Variants in SLC41A2 observed in about 807,000 individuals in gnomAD.
SLC41A2 encodes the protein SLC41A1-like 1.
Under a neutral mutation model 58.3 loss-of-function variants are expected in SLC41A2, and 32 were observed. The ratio of observed to expected loss-of-function variants is 0.55; its 90% confidence interval spans 0.41 to 0.74. The LOEUF is 0.74. SLC41A2 is among the 30% of genes least tolerant of loss of function. The pLI is 0.00. For synonymous variants in SLC41A2, 190 were observed against 235.0 expected (o/e 0.81, Z 1.75); for missense variants, 514 against 680.6 (o/e 0.76, Z 2.72).
intron 1 of SLC41A2, among the ~76,000 whole-genome samples, chr12:104,935,267 T>G (rs2047216310): frequency 6.6e-6 from 1 of 151,892 alleles, no homozygotes; most frequent in Non-Finnish European, 1.5e-5. Context: ...CCTGGAAGAG[T>G]AAGTTTTGGT....
At chr12:104,885,028 C>T (rs1048100607) in intron 6 of SLC41A2, among the ~76,000 whole-genome samples, 1 of 151,940 alleles carries the variant, frequency 6.6e-6, no homozygotes, top group Non-Finnish European at 1.5e-5. Flanking sequence ...ACATAACCCA[C>T]TTCCTGTGCT....
intron 10 of SLC41A2, among the ~76,000 whole-genome samples, chr12:104,839,111 T>C (rs2042317030): frequency 1.3e-5 from 2 of 152,176 alleles, no homozygotes; most frequent in Non-Finnish European, 1.5e-5. Flanking sequence ...AATAATCTAA[T>C]TTTCTGTAAG....
intron 2 of SLC41A2, among the ~76,000 whole-genome samples, chr12:104,915,565 C>CT (rs1486475793): frequency 6.6e-6 from 1 of 152,084 alleles, no homozygotes; most frequent in African/African-American, 2.4e-5. Context: ...ATTTGGCTCT[C>CT]TGTTTGTCTG....
intron 1 of SLC41A2, among the ~76,000 whole-genome samples, chr12:104,934,918 A>G (rs909833465): frequency 4.6e-5 from 7 of 152,058 alleles, no homozygotes; most frequent in African/African-American, 1.7e-4. Flanking sequence ...AAAGGTATAA[A>G]GTTTCAGTTA....
chr12:104,951,309 G>A (rs774065324), intron 1 of SLC41A2, among the ~76,000 whole-genome samples: 1 of 152,106 alleles, frequency 6.6e-6, no homozygotes, highest in African/African-American at 2.4e-5. Context: ...TTAAGACTCT[G>A]TGGAATATAA....
chr12:104,935,475 ATTAT>A (rs139146809), intron 1 of SLC41A2, among the ~76,000 whole-genome samples: 1,887 of 152,250 alleles, frequency 0.012, 51 homozygotes, highest in African/African-American at 0.043. Context: ...ATATATAGCT[ATTAT>A]TTATTAAAAA....
chr12:104,949,389 T>C (rs1159537379), intron 1 of SLC41A2, among the ~76,000 whole-genome samples: 1 of 152,230 alleles, frequency 6.6e-6, no homozygotes, highest in Non-Finnish European at 1.5e-5. Flanking sequence ...TCTTACTTTA[T>C]AACACATTAT....
intron 1 of SLC41A2, among the ~76,000 whole-genome samples, chr12:104,937,408 T>C (rs2047326121): frequency 6.6e-6 from 1 of 152,210 alleles, no homozygotes; most frequent in Non-Finnish European, 1.5e-5. Flanking sequence ...GATACACAAA[T>C]ACTTACCATT....
chr12:104,834,233 C>T, intron 10 of SLC41A2: 1 of 938,584 alleles, frequency 1.1e-6, no homozygotes. Context: ...AATTTGAGAC[C>T]TTACAACCTA....
chr12:104,921,075 C>T (rs981387689), intron 2 of SLC41A2, among the ~76,000 whole-genome samples: 3 of 151,498 alleles, frequency 2.0e-5, no homozygotes, highest in African/African-American at 7.3e-5. Flanking sequence ...GAGAAAGAAA[C>T]CCTGTCTCTT....
intron 10 of SLC41A2, among the ~76,000 whole-genome samples, chr12:104,817,732 T>A (rs986753953): frequency 1.1e-4 from 17 of 151,782 alleles, no homozygotes; most frequent in Admixed American, 4.0e-4. Flanking sequence ...GACTTCTATA[T>A]GATTGGCAAT....
In SLC41A2 at chr12:104,861,353, A is replaced by C. The variant is rs1315369737; in HGVS notation, c.1193T>G (p.Leu398Arg). 6.2e-7 allele frequency: 1 copy of C among 1,612,964 alleles called. No homozygotes were observed. Among genetic ancestry groups the C allele is most frequent in the Non-Finnish European group, 8.5e-7 (1 of 1,179,192 alleles). ...GTTTGGGTCTGATACAGTTGTGTCC[A>C]GAATAAGGCCCCCAATGCTGAAAGA... ...MVISSIGGLI[L>R]DTTVSDPNLV... Residue 398 changes from leucine (L) to arginine (R), a missense_variant, in exon 8 of 11, where the codon CTG becomes CGG. This residue lies in a region of SLC41A2 where 50 missense variants were observed against 104.5 expected (regional missense o/e 0.48). Transcript: ENST00000258538.
At chr12:104,834,934 A>G (rs2042156481) in intron 10 of SLC41A2, among the ~76,000 whole-genome samples, 1 of 152,034 alleles carries the variant, frequency 6.6e-6, no homozygotes, top group South Asian at 2.1e-4. Flanking sequence ...TAGAAAAGTG[A>G]CTCCAAGGAA....
At chr12:104,889,905 A>T (rs1006608095) in intron 4 of SLC41A2, among the ~76,000 whole-genome samples, 3 of 151,946 alleles carry the variant, frequency 2.0e-5, no homozygotes, top group Non-Finnish European at 2.9e-5. Flanking sequence ...AAGCAAGAAT[A>T]AAAAAAACCT....
intron 1 of SLC41A2, among the ~76,000 whole-genome samples, chr12:104,940,885 G>A (rs1489305562): frequency 3.6e-5 from 5 of 140,634 alleles, no homozygotes; most frequent in Non-Finnish European, 4.5e-5. Context: ...TGGTGATCCC[G>A]ACCTCAGGTG....
Position 104,882,374 on chromosome 12 carries a change from T to G in SLC41A2, c.1027+3919A>C, listed in dbSNP as rs192130245. Reference sequence around the variant, plus strand: ...ATCCTGTCATCATGATGTTCGCTGGTTTTTTTTGCCCATTAATTGATGCAG... The same window carrying G: ...ATCCTGTCATCATGATGTTCGCTGGGTTTTTTTGCCCATTAATTGATGCAG... On this transcript the variant is annotated intron_variant, in intron 6 of 10. Coordinates refer to ENST00000258538, the MANE Select transcript of SLC41A2 (RefSeq NM_001352171.3). 5.8e-3 allele frequency among the ~76,000 whole-genome samples: 888 copies of G among 151,930 alleles called. 8 individuals carry two copies. The highest frequency in any genetic ancestry group is 8.3e-3 in the Non-Finnish European group (565 of 67,932).
At chr12:104,940,513 A>T (rs1055784648) in intron 1 of SLC41A2, among the ~76,000 whole-genome samples, 6 of 118,340 alleles carry the variant, frequency 5.1e-5, no homozygotes, top group African/African-American at 7.6e-5. Flanking sequence ...ACAAAAAAAT[A>T]AAAAAATAAA....
chr12:104,891,215 C>T (rs1352603458), intron 4 of SLC41A2, among the ~76,000 whole-genome samples: 1 of 152,080 alleles, frequency 6.6e-6, no homozygotes, highest in Non-Finnish European at 1.5e-5. Context: ...TTCACACTTT[C>T]TTGGTGGAGT....
At chr12:104,901,829 C>G (rs1258716137) in intron 3 of SLC41A2, among the ~76,000 whole-genome samples, 2 of 152,138 alleles carry the variant, frequency 1.3e-5, no homozygotes, top group Non-Finnish European at 2.9e-5. Context: ...TATAGAATAA[C>G]AAGCTTTAAA....
Sources: allele counts gnomAD v4.1 joint callset (sites outside exome capture counted in the v4.1 genomes callset), GRCh38; gene constraint gnomAD v4.1.1; regional missense constraint gnomAD v4.1.1; transcripts MANE v1.5; gene names NCBI Gene and HGNC (gene_info 2026-07-23, HGNC 2026-07-21).